MYZAP: variants seen among roughly 807,000 people sequenced by gnomAD.
MYZAP encodes myocardial zonula adherens protein.
Under a neutral mutation model 69.4 loss-of-function variants are expected in MYZAP, and 66 were observed. The ratio of observed to expected loss-of-function variants is 0.95; its 90% CI spans 0.78 to 1.17. The LOEUF is 1.17. Among genes scored for constraint, MYZAP ranks in the 50% most tolerant of loss-of-function variants. The pLI, the probability that MYZAP is intolerant of heterozygous loss-of-function variation, is 0.00. For missense variants in MYZAP, 611 were observed against 556.2 expected, an observed-to-expected ratio of 1.10 and a Z score of -0.99; for synonymous variants, 256 against 205.9, an observed-to-expected ratio of 1.24 and a Z score of -2.09.
intron 11 of MYZAP, among the ~76,000 whole-genome samples, chr15:57,674,658 C>G (rs868661508): frequency 6.6e-6 from 1 of 152,044 alleles, no homozygotes; most frequent in Non-Finnish European, 1.5e-5. Context: ...AAAAAGAAAA[C>G]TAATATAGAT....
chr15:57,595,507 G>T (rs929413780), intron 1 of MYZAP, among the ~76,000 whole-genome samples: 1 of 152,128 alleles, frequency 6.6e-6, no homozygotes, highest in Non-Finnish European at 1.5e-5. Context: ...ATGGAAGGTT[G>T]GTTGTGTGGC....
At position 57,591,917 on chromosome 15, in the gene MYZAP, C is replaced by G. The variant is rs2033683389; in HGVS notation, c.-118C>G. On this transcript the variant is annotated 5_prime_UTR_variant, in exon 1 of 13. Coordinates refer to ENST00000267853, the MANE Select transcript of MYZAP (RefSeq NM_001018100.5). ...CCACCCCCGGGCCTTCGCGGTGCAG[C>G]TGAGGCTGCAAGTAGCCGGCGCCGT... 1 of 1,013,154 alleles carries G rather than the reference C, an allele frequency of 9.9e-7. No individual in the cohort carries two copies. The highest frequency in any genetic ancestry group is 1.2e-6 in the Non-Finnish European group (1 of 800,832). The allele number at this position is 1,013,154 out of a possible 1,614,324, so 62.8% of individuals were successfully genotyped here.
chr15:57,608,346 T>C (rs1420239854), intron 2 of MYZAP, among the ~76,000 whole-genome samples: 1 of 152,204 alleles, frequency 6.6e-6, no homozygotes, highest in Non-Finnish European at 1.5e-5. Context: ...GCTCCCAATG[T>C]GGGTGTGTTG....
At chr15:57,620,179 A>G (rs2035723112) in intron 3 of MYZAP, among the ~76,000 whole-genome samples, 1 of 152,216 alleles carries the variant, frequency 6.6e-6, no homozygotes, top group Non-Finnish European at 1.5e-5. Context: ...ACTTCATGGC[A>G]AGAAAGTAGA....
chr15:57,681,741 T>C (rs370548223), intron 12 of MYZAP, among the ~76,000 whole-genome samples: 52 of 151,972 alleles, frequency 3.4e-4, no homozygotes, highest in African/African-American at 1.1e-3. Context: ...GCTGAGATCG[T>C]GCCACTGCAC....
intron 1 of MYZAP, among the ~76,000 whole-genome samples, chr15:57,593,188 G>GCATGCGCGCGCACACACACA: frequency 4.4e-5 from 5 of 114,202 alleles, no homozygotes; most frequent in South Asian, 6.9e-4. Flanking sequence ...GTACACAGGC[G>GCATGCGCGCGCACACACACA]CACACACACA....
chr15:57,656,305 T>C (rs1258114175), intron 10 of MYZAP, among the ~76,000 whole-genome samples: 1 of 152,194 alleles, frequency 6.6e-6, no homozygotes, highest in African/African-American at 2.4e-5. Context: ...TTCATTCATT[T>C]GTTATCTGAG....
rs1391330501 is a variant in MYZAP at position 57,592,054 on chromosome 15, C to T, written c.20C>T (p.Thr7Met). 11 of 1,423,808 alleles carry T rather than the reference C, an allele frequency of 7.7e-6. No individual in the cohort carries two copies. The highest frequency in any genetic ancestry group is 4.9e-4 in the Middle Eastern group (2 of 4,056). The allele number at this position is 1,423,808 out of a possible 1,614,324, so 88.2% of individuals were successfully genotyped here. A position where few individuals can be genotyped will look rare whatever the true frequency, so the allele number is the denominator to read the frequency against. The change falls in exon 1 of 13, where the codon ACG (threonine) becomes ATG (methionine). Residue 7 changes from threonine to methionine, a missense_variant. Thr to Met is a moderately conservative substitution (Grantham distance 81). Coordinates refer to ENST00000267853, the MANE Select transcript of MYZAP (RefSeq NM_001018100.5). MLRSTS[T>M]VTLLSGGAAR... The stretch of plus-strand genomic sequence containing the variant: ...TGCGGGATGCTGCGCTCCACGTCCA[C>T]GGTCACCCTGCTCTCGGGCGGCGCC...
chr15:57,617,467 T>G (rs1034488238), intron 2 of MYZAP, among the ~76,000 whole-genome samples: 4 of 152,174 alleles, frequency 2.6e-5, no homozygotes, highest in Non-Finnish European at 2.9e-5. Flanking sequence ...GAGGATCCTT[T>G]TGGGCTGAAG....
intron 2 of MYZAP, among the ~76,000 whole-genome samples, 195 bp downstream of exon 2, chr15:57,604,550 C>T (rs918819102): frequency 1.3e-5 from 2 of 152,172 alleles, no homozygotes; most frequent in African/African-American, 4.8e-5. Flanking sequence ...GCTCTGCCAC[C>T]GACGTGCCCT....
intron 4 of MYZAP, among the ~76,000 whole-genome samples, chr15:57,624,032 T>G (rs1283613345): frequency 6.6e-6 from 1 of 152,176 alleles, no homozygotes; most frequent in African/African-American, 2.4e-5. Flanking sequence ...GGAGGCAGGG[T>G]GGTAACTGAG....
chr15:57,604,826 G>T (rs1215298625), intron 2 of MYZAP, among the ~76,000 whole-genome samples: 1 of 152,204 alleles, frequency 6.6e-6, no homozygotes, highest in South Asian at 2.1e-4. Flanking sequence ...CTTGGCTGGG[G>T]GTAGGAGGCA....
intron 11 of MYZAP, 116 bp from the exon 12 acceptor site, chr15:57,674,852 T>A (rs998015181): frequency 1.1e-5 from 9 of 805,364 alleles, no homozygotes; most frequent in Admixed American, 5.7e-5. Flanking sequence ...GTAAATACAT[T>A]GTGATAGTTG....
At chr15:57,680,063 A>G (rs545308850) in intron 12 of MYZAP, among the ~76,000 whole-genome samples, 1 of 152,240 alleles carries the variant, frequency 6.6e-6, no homozygotes, top group East Asian at 1.9e-4. Context: ...TTTGGTGGCA[A>G]TCCCTTTGGA....
At chr15:57,624,073 AG>A in intron 4 of MYZAP, among the ~76,000 whole-genome samples, 1 of 152,336 alleles carries the variant, frequency 6.6e-6, no homozygotes, top group South Asian at 2.1e-4. Context: ...AAAATATAAA[AG>A]TAACTTTATA....
At chr15:57,623,626 C>T (rs142414777) in intron 4 of MYZAP, among the ~76,000 whole-genome samples, 1 of 151,454 alleles carries the variant, frequency 6.6e-6, no homozygotes, top group Admixed American at 6.6e-5. Flanking sequence ...CTAGCTACTC[C>T]GTTGGCTGAG....
chr15:57,597,413 T>G (rs1481390407), intron 1 of MYZAP, among the ~76,000 whole-genome samples: 6 of 152,214 alleles, frequency 3.9e-5, no homozygotes, highest in Admixed American at 3.9e-4. Context: ...TAACAATATT[T>G]CTTTAAGCAT....
At chr15:57,672,616 G>A (rs1313717993) in intron 11 of MYZAP, among the ~76,000 whole-genome samples, 1 of 152,126 alleles carries the variant, frequency 6.6e-6, no homozygotes, top group African/African-American at 2.4e-5. Flanking sequence ...CTTTCACTTG[G>A]GAGCCAGGTG....
chr15:57,682,914 A>T (rs1595952142), intron 12 of MYZAP, among the ~76,000 whole-genome samples: 1 of 152,066 alleles, frequency 6.6e-6, no homozygotes, highest in South Asian at 2.1e-4. Context: ...GAATTTCTAG[A>T]TGTGAATTTC....
Sources: gnomAD v4.1 joint callset for allele counts (sites outside exome capture counted in the v4.1 genomes callset) on GRCh38, gnomAD v4.1.1 for gene constraint, MANE v1.5 for transcripts, NCBI Gene and HGNC (gene_info 2026-07-23, HGNC 2026-07-21) for gene names.